SLC44A1: variants seen among roughly 807,000 people sequenced by gnomAD.
SLC44A1 encodes the protein choline transporter-like protein 1.
Under a neutral mutation model 79.3 loss-of-function variants are expected in SLC44A1, and 26 were observed. The observed-to-expected ratio is 0.33, with a 90% CI of 0.24 to 0.46. SLC44A1 has a LOEUF of 0.46. Among genes scored for constraint, SLC44A1 ranks in the 20% least tolerant of loss-of-function variants. The probability of loss-of-function intolerance (pLI) is 1.00; values close to 1 mark genes in which losing one functional copy is unlikely to be tolerated. For synonymous variants in SLC44A1, 263 were observed against 286.2 expected (o/e 0.92, Z 0.82); for missense variants, 688 against 798.1 (o/e 0.86, Z 1.66).
At chr9:105,380,993 A>G (rs1828445908) in intron 13 of SLC44A1, among the ~76,000 whole-genome samples, 1 of 152,212 alleles carries the variant, frequency 6.6e-6, no homozygotes. Flanking sequence ...TTGGCTAAAC[A>G]TCACTAATTG....
chr9:105,297,651 G>A (rs977514975), intron 1 of SLC44A1, among the ~76,000 whole-genome samples: 6 of 152,220 alleles, frequency 3.9e-5, no homozygotes, highest in African/African-American at 1.2e-4. Context: ...CAAAGTGCTG[G>A]GATTACAGGC....
chr9:105,401,297 A>G (rs1232100304), downstream of SLC44A1, among the ~76,000 whole-genome samples: 1 of 152,218 alleles, frequency 6.6e-6, no homozygotes, highest in African/African-American at 2.4e-5. Flanking sequence ...TATATTAAAC[A>G]CAAATAGCTG....
At chr9:105,309,895 A>G (rs149604610) in intron 3 of SLC44A1, 29 bp downstream of exon 3, 13 of 1,601,690 alleles carry the variant, frequency 8.1e-6, no homozygotes, top group South Asian at 3.3e-5. Flanking sequence ...TGATGAACAC[A>G]TGGAAACTTT....
intron 1 of SLC44A1, among the ~76,000 whole-genome samples, chr9:105,259,742 T>A (rs1474263305): frequency 6.6e-6 from 1 of 152,214 alleles, no homozygotes; most frequent in Non-Finnish European, 1.5e-5. Flanking sequence ...ATAGTTTTAA[T>A]CAAGAAAAAC....
intron 11 of SLC44A1, 47 bp downstream of exon 11, chr9:105,365,686 C>T: frequency 6.5e-7 from 1 of 1,547,520 alleles, no homozygotes; most frequent in Non-Finnish European, 8.9e-7. Context: ...ACATTCCAGA[C>T]CTCAGTTCTG....
intron 15 of SLC44A1, among the ~76,000 whole-genome samples, chr9:105,424,980 G>GAAAA (rs1353807848): frequency 3.0e-4 from 45 of 148,630 alleles, no homozygotes. Flanking sequence ...AAGAAAGAAA[G>GAAAA]AAAACTAACT....
rs531756574 is a variant in SLC44A1 at position 105,402,717 on chromosome 9, A to G, written c.1950+17215A>G. Among the ~76,000 whole-genome samples the G allele has an allele frequency of 6.6e-5, 10 of 152,248 alleles. No homozygotes were observed. In the East Asian group the frequency reaches 1.7e-3, roughly 26 times the overall value. On this transcript the variant is annotated intron_variant, in intron 15 of 15. Transcript: ENST00000374724. Reference sequence around the variant, plus strand: ...TCAATGACTCCAACTCTACTCTTCTACATTGTCATGCTAACCATTGGTGTG... The same window carrying G: ...TCAATGACTCCAACTCTACTCTTCTGCATTGTCATGCTAACCATTGGTGTG...
chr9:105,437,006 T>C (rs1346495021), intron 15 of SLC44A1, among the ~76,000 whole-genome samples: 1 of 152,182 alleles, frequency 6.6e-6, no homozygotes, highest in Non-Finnish European at 1.5e-5. Flanking sequence ...CCTGGCATCT[T>C]GTGGTTAGGA....
At chr9:105,312,324 A>G (rs1035747369) in intron 3 of SLC44A1, among the ~76,000 whole-genome samples, 3 of 152,148 alleles carry the variant, frequency 2.0e-5, no homozygotes, top group South Asian at 2.1e-4. Flanking sequence ...TTTAAATCCA[A>G]TATTCAAAAG....
chr9:105,372,280 T>C (rs1828126852), intron 12 of SLC44A1, among the ~76,000 whole-genome samples: 1 of 152,132 alleles, frequency 6.6e-6, no homozygotes, highest in Non-Finnish European at 1.5e-5. Flanking sequence ...AATCATACTG[T>C]ATTTCTGTTT....
intron 1 of SLC44A1, among the ~76,000 whole-genome samples, chr9:105,290,227 A>G (rs1324674844): frequency 2.0e-5 from 3 of 152,200 alleles, no homozygotes; most frequent in African/African-American, 7.2e-5. Flanking sequence ...TAGCCAAAAA[A>G]GTCAATACAC....
At chr9:105,363,286 C>T (rs1053600445) in intron 9 of SLC44A1, among the ~76,000 whole-genome samples, 1 of 152,120 alleles carries the variant, frequency 6.6e-6, no homozygotes, top group African/African-American at 2.4e-5. Context: ...CCTCAGCCTC[C>T]TGAGTAGCTG....
rs12345666 is a variant in SLC44A1, at chr9:105,288,398, G to T, written c.37-10822G>T. ...GGGTCTCGCTCTGTCGCCCTGGCCG[G>T]GGTGCGGTGGCATGATTACGGCCCA... On this transcript the variant is annotated intron_variant, in intron 1 of 15. Transcript: ENST00000374720. Among the ~76,000 whole-genome samples, 816 of 152,210 alleles carry T rather than the reference G, an allele frequency of 5.4e-3. 6 individuals carry two copies. The highest frequency in any genetic ancestry group is 0.019 in the African/African-American group (790 of 41,534).
In SLC44A1 at chr9:105,391,012, C is replaced by CGTA; in HGVS notation, c.*1956_*1957insGTA. ...AATCATGTGAGAAAATTCAGAATAC[C>CGTA]ATCTGTTTCATAGCCGCACAGATTT... On this transcript the variant is annotated 3_prime_UTR_variant, in exon 16 of 16. Transcript: ENST00000374720. The CGTA allele has an allele frequency of 1.0e-6, 1 of 985,098 alleles. No individual in the cohort carries two copies. The highest frequency in any genetic ancestry group is 1.2e-6 in the Non-Finnish European group (1 of 829,358). The allele number at this position is 985,098 out of a possible 1,614,324, so 61.0% of individuals were successfully genotyped here.
intron 12 of SLC44A1, among the ~76,000 whole-genome samples, chr9:105,370,169 A>G (rs1828055391): frequency 6.6e-6 from 1 of 152,248 alleles, no homozygotes; most frequent in Non-Finnish European, 1.5e-5. Flanking sequence ...TATCAGGGAA[A>G]GCCACAAAGG....
At chr9:105,334,733 C>T (rs1826858241) in intron 3 of SLC44A1, among the ~76,000 whole-genome samples, 1 of 152,208 alleles carries the variant, frequency 6.6e-6, no homozygotes, top group Non-Finnish European at 1.5e-5. Context: ...TCTTTATCAT[C>T]TCATCTACTT....
At position 105,349,082 on chromosome 9, in the gene SLC44A1, T is replaced by C. The variant is rs1321078325; in HGVS notation, c.500+631T>C. Among the ~76,000 whole-genome samples, 8 of 152,346 alleles carry C rather than the reference T, an allele frequency of 5.3e-5. No individual in the cohort carries two copies. The East Asian group carries it at 1.3e-3, about 26-fold the overall frequency. ...ATAAGTAAAGCAACATTTAAAATTA[T>C]AAATAGATTTTTTGAAAGGAAATGA... On this transcript the variant is annotated intron_variant, in intron 5 of 15. Transcript: ENST00000374720.
At chr9:105,402,252 A>G (rs1395118891), downstream of SLC44A1, among the ~76,000 whole-genome samples, 1 of 152,198 alleles carries the variant, frequency 6.6e-6, no homozygotes, top group Non-Finnish European at 1.5e-5. Context: ...GAAATCTAGA[A>G]GAGAAAGACT....
intron 15 of SLC44A1, among the ~76,000 whole-genome samples, chr9:105,414,249 G>T (rs1044119970): frequency 6.6e-6 from 1 of 151,990 alleles, no homozygotes; most frequent in Non-Finnish European, 1.5e-5. Flanking sequence ...TAGAGATGGG[G>T]TTTCACTGTG....
Sources: allele counts gnomAD v4.1 joint callset (sites outside exome capture counted in the v4.1 genomes callset), GRCh38; gene constraint gnomAD v4.1.1; transcripts MANE v1.5; gene names NCBI Gene and HGNC (gene_info 2026-07-23, HGNC 2026-07-21).